STK32B: variants seen among roughly 807,000 people sequenced by gnomAD.
STK32B encodes serine/threonine kinase 32B, also known as serine/threonine-protein kinase 32B.
Under a neutral mutation model 52.6 loss-of-function variants are expected in STK32B, and 43 were observed. That is an observed-to-expected ratio of 0.82 (90% CI 0.64 to 1.05). The LOEUF is 1.05. Among genes scored for constraint, STK32B ranks in the 50% least tolerant of loss-of-function variants. The pLI is 0.00. For synonymous variants in STK32B, 238 were observed against 204.3 expected (o/e 1.17, Z -1.41); for missense variants, 621 against 534.6 (o/e 1.16, Z -1.59).
At chr4:5,435,506 G>A (rs1713982543) in intron 6 of STK32B, among the ~76,000 whole-genome samples, 1 of 152,112 alleles carries the variant, frequency 6.6e-6, no homozygotes, top group South Asian at 2.1e-4. Flanking sequence ...CTATAAAGAT[G>A]AATCAGTACT....
At chr4:5,019,852 T>C in the STK32B span, among the ~76,000 whole-genome samples, 1 of 151,710 alleles carries the variant, frequency 6.6e-6, no homozygotes, top group East Asian at 1.9e-4. Flanking sequence ...GATGGCACGG[T>C]TTGTCAAAAT....
intron 3 of STK32B, among the ~76,000 whole-genome samples, chr4:5,261,888 C>T (rs954005374): frequency 6.6e-6 from 1 of 152,112 alleles, no homozygotes; most frequent in African/African-American, 2.4e-5. Context: ...ATGATCTTGA[C>T]AGTATTCGCA....
At chr4:5,295,102 C>G (rs761648364) in intron 3 of STK32B, among the ~76,000 whole-genome samples, 2 of 152,100 alleles carry the variant, frequency 1.3e-5, no homozygotes, top group African/African-American at 2.4e-5. Flanking sequence ...GTTGAACCAG[C>G]CTTGCATCCC....
chr4:5,307,770 T>G (rs1473327433), intron 3 of STK32B, among the ~76,000 whole-genome samples: 5 of 152,020 alleles, frequency 3.3e-5, no homozygotes, highest in African/African-American at 1.2e-4. Flanking sequence ...CAGAGGGAAG[T>G]TATAGGACTC....
intron 1 of STK32B, among the ~76,000 whole-genome samples, chr4:5,066,383 C>A (rs967672909): frequency 6.6e-6 from 1 of 152,160 alleles, no homozygotes; most frequent in Non-Finnish European, 1.5e-5. Flanking sequence ...TGACTGGCCT[C>A]CCTGTCTTCT....
intron 2 of STK32B, among the ~76,000 whole-genome samples, chr4:5,152,291 C>T (rs1488980575): frequency 6.6e-6 from 1 of 152,164 alleles, no homozygotes; most frequent in African/African-American, 2.4e-5. Flanking sequence ...TAAACATGTG[C>T]CTTGCTTTCT....
At chr4:5,087,735 C>T (rs1407404680) in intron 1 of STK32B, among the ~76,000 whole-genome samples, 4 of 151,460 alleles carry the variant, frequency 2.6e-5, no homozygotes, top group Non-Finnish European at 5.9e-5. Context: ...GGTCAACCCA[C>T]CAAGAGGACA....
chr4:5,240,052 TTC>T lies in STK32B; in HGVS notation c.260+71622_260+71623del, dbSNP rs10563867. Among the ~76,000 whole-genome samples, 226 of 147,050 alleles carry T rather than the reference TTC, an allele frequency of 1.5e-3. 2 individuals carry two copies. The highest frequency in any genetic ancestry group is 1.6e-3 in the Non-Finnish European group (106 of 66,522). Reference sequence around the variant, plus strand: ...TTTCTCTTTCCCCCCTTCATTTCTCTTCTCTCTCTCTCTCTCTCTCTGTCTCT... The same window carrying T: ...TTTCTCTTTCCCCCCTTCATTTCTCTTCTCTCTCTCTCTCTCTCTGTCTCT... On this transcript the variant is annotated intron_variant, in intron 3 of 11. Transcript: ENST00000282908.
intron 3 of STK32B, among the ~76,000 whole-genome samples, chr4:5,245,928 C>T (rs572248075): frequency 6.5e-4 from 99 of 152,316 alleles, no homozygotes; most frequent in Non-Finnish European, 1.2e-3. Flanking sequence ...TGTAGAGTTT[C>T]TGCTGAGAGA....
At chr4:5,424,055 G>A (rs1366087498) in intron 6 of STK32B, among the ~76,000 whole-genome samples, 1 of 152,090 alleles carries the variant, frequency 6.6e-6, no homozygotes, top group African/African-American at 2.4e-5. Context: ...GACTCGCCCT[G>A]CTCCTGGTAC....
intron 1 of STK32B, among the ~76,000 whole-genome samples, chr4:5,135,866 G>A (rs2108826732): frequency 6.6e-6 from 1 of 152,314 alleles, no homozygotes; most frequent in Non-Finnish European, 1.5e-5. Context: ...ATTAGATCTG[G>A]ATCACAAGGT....
chr4:5,105,632 T>A (rs555119130), intron 1 of STK32B, among the ~76,000 whole-genome samples: 1 of 151,942 alleles, frequency 6.6e-6, no homozygotes, highest in Non-Finnish European at 1.5e-5. Context: ...GGCGGGATCT[T>A]GGCTCACTGC....
At chr4:5,318,804 TA>T (rs1415224305) in intron 3 of STK32B, among the ~76,000 whole-genome samples, 1 of 135,788 alleles carries the variant, frequency 7.4e-6, no homozygotes, top group African/African-American at 3.6e-5. Context: ...AAATAGCAAG[TA>T]TTTTTTTTTT....
intron 3 of STK32B, among the ~76,000 whole-genome samples, chr4:5,170,459 G>T (rs372913957): frequency 6.8e-6 from 1 of 147,872 alleles, no homozygotes; most frequent in Non-Finnish European, 1.5e-5. Context: ...TCGCTCCCCC[G>T]TCCCCCCACC....
chr4:5,172,373 C>T (rs539318920), intron 3 of STK32B, among the ~76,000 whole-genome samples: 2 of 152,264 alleles, frequency 1.3e-5, no homozygotes, highest in South Asian at 4.2e-4. Context: ...GAGAGGGCAT[C>T]CGTGTCTTGT....
In STK32B at chr4:5,441,053, G is replaced by C. The variant is rs965303909; in HGVS notation, c.563-5620G>C. Among the ~76,000 whole-genome samples, 696 of 149,966 alleles carry C rather than the reference G, an allele frequency of 4.6e-3. 5 individuals carry two copies. Among genetic ancestry groups the C allele is most frequent in the Non-Finnish European group, 6.7e-3 (451 of 67,078 alleles). On this transcript the variant is annotated intron_variant, in intron 6 of 11. Transcript: ENST00000282908. ...TGCATCAATGTTCATCAAGGATATT[G>C]GTCTAAAATTCTCTTTTTTGGTTGT...
At chr4:5,242,043 G>A (rs1384805232) in intron 3 of STK32B, among the ~76,000 whole-genome samples, 2 of 151,928 alleles carry the variant, frequency 1.3e-5, no homozygotes, top group African/African-American at 4.8e-5. Context: ...ACATACATGT[G>A]CATGTGTCTT....
chr4:5,043,343 ACTCT>A, the STK32B span, among the ~76,000 whole-genome samples: 2 of 151,964 alleles, frequency 1.3e-5, no homozygotes, highest in East Asian at 3.9e-4. Context: ...TAAGAACTGG[ACTCT>A]CTATTTGGAA....
chr4:5,203,996 AT>A (rs1260556873), intron 3 of STK32B: 2 of 152,212 alleles, frequency 1.3e-5, no homozygotes, highest in East Asian at 3.8e-4. Context: ...CAAAGTCATA[AT>A]GCATTCTCCA....
Sources: gnomAD v4.1 joint callset for allele counts (sites outside exome capture counted in the v4.1 genomes callset) on GRCh38, gnomAD v4.1.1 for gene constraint, MANE v1.5 for transcripts, NCBI Gene and HGNC (gene_info 2026-07-23, HGNC 2026-07-21) for gene names.